REV3L: variants seen among roughly 807,000 people sequenced by gnomAD.
REV3L encodes the protein DNA polymerase zeta catalytic subunit.
Under a neutral mutation model 299.4 loss-of-function variants are expected in REV3L, and 69 were observed. The observed-to-expected ratio is 0.23, with a 90% confidence interval of 0.19 to 0.28. REV3L has a LOEUF of 0.28. Ranked by LOEUF, REV3L falls within the 10% of genes least tolerant of loss-of-function variation. The pLI is 1.00. For synonymous variants in REV3L, 1,238 were observed against 1,271.4 expected (o/e 0.97, Z 0.56); for missense variants, 3,128 against 3,693.8 (o/e 0.85, Z 3.97).
chr6:111,476,647 G>A (rs927884569), intron 1 of REV3L, among the ~76,000 whole-genome samples: 1 of 152,112 alleles, frequency 6.6e-6, no homozygotes, highest in South Asian at 2.1e-4. Flanking sequence ...CTCTGTTTTA[G>A]TGCTGTCATG....
chr6:111,324,392 T>G (rs1013662136), intron 25 of REV3L, among the ~76,000 whole-genome samples: 1 of 152,218 alleles, frequency 6.6e-6, no homozygotes, highest in African/African-American at 2.4e-5. Context: ...ATTACAAAAA[T>G]CATGTTATCT....
chr6:111,370,758 G>A (rs1779720538), intron 13 of REV3L, among the ~76,000 whole-genome samples: 1 of 152,044 alleles, frequency 6.6e-6, no homozygotes, highest in Non-Finnish European at 1.5e-5. Context: ...GGAAGGTACA[G>A]AAGTTTCCCA....
intron 31 of REV3L, among the ~76,000 whole-genome samples, chr6:111,303,321 G>A (rs929564673): frequency 1.4e-4 from 21 of 149,322 alleles, no homozygotes; most frequent in South Asian, 4.2e-4. Context: ...GCGGGTGCCC[G>A]CCACCATGCC....
In REV3L at chr6:111,412,147, C is replaced by G. The variant is rs559100694; in HGVS notation, c.330-593G>C. 1.6e-5 allele frequency: 16 copies of G among 985,372 alleles called. No individual in the cohort carries two copies. The East Asian group carries it at 1.6e-3, about 98-fold the overall frequency. 61.0% of individuals were successfully genotyped at this position (985,372 alleles called of 1,614,324 possible). A position where few individuals can be genotyped will look rare whatever the true frequency, so the allele number is the denominator to read the frequency against. ...GTACACACAGCATGTATTTCAGTAGCTGATATGAATAAACCTGTAACACAC... is the reference window on the plus strand; with the variant it reads ...GTACACACAGCATGTATTTCAGTAGGTGATATGAATAAACCTGTAACACAC... On this transcript the variant is annotated intron_variant, in intron 2 of 31. Transcript: ENST00000368802.
intron 22 of REV3L, among the ~76,000 whole-genome samples, chr6:111,334,964 C>T (rs904694745): frequency 2.0e-5 from 3 of 152,050 alleles, no homozygotes; most frequent in South Asian, 2.1e-4. Context: ...TATATAAAAT[C>T]ATTTTCAGCA....
intron 6 of REV3L, 105 bp from the exon 7 acceptor site, chr6:111,389,315 T>A (rs1781667304): frequency 1.2e-6 from 1 of 816,068 alleles, no homozygotes; most frequent in Admixed American, 2.3e-5. Flanking sequence ...ACCAATCACA[T>A]ATTTTGTGTA....
chr6:111,357,671 C>A (rs534721432), intron 17 of REV3L, among the ~76,000 whole-genome samples: 1 of 151,610 alleles, frequency 6.6e-6, no homozygotes, highest in African/African-American at 2.4e-5. Flanking sequence ...CCAACCTGGG[C>A]AACAGAGCGA....
At chr6:111,408,216 T>C (rs1783854166) in intron 3 of REV3L, among the ~76,000 whole-genome samples, 2 of 152,122 alleles carry the variant, frequency 1.3e-5, no homozygotes, top group Non-Finnish European at 2.9e-5. Flanking sequence ...AGAGAATGGA[T>C]GTAAATGCAA....
At position 111,408,115 on chromosome 6, in the gene REV3L, A is replaced by G. The variant is rs184440882; in HGVS notation, c.405-2485T>C. On this transcript the variant is annotated intron_variant, in intron 3 of 31. Coordinates refer to ENST00000368802, the MANE Select transcript of REV3L (RefSeq NM_001372078.1). ...AAAGAAAGACGGGAATAGCCGACAGATGGAAGCGATCCTTGAAAACATCAA... is the reference window on the plus strand; with the variant it reads ...AAAGAAAGACGGGAATAGCCGACAGGTGGAAGCGATCCTTGAAAACATCAA... 2.4e-4 allele frequency among the ~76,000 whole-genome samples: 37 copies of G among 152,348 alleles called. 2 individuals carry two copies. The South Asian group carries it at 5.2e-3, about 21-fold the overall frequency.
At chr6:111,465,579 C>G (rs781723925) in intron 1 of REV3L, among the ~76,000 whole-genome samples, 2 of 150,486 alleles carry the variant, frequency 1.3e-5, no homozygotes, top group African/African-American at 4.9e-5. Flanking sequence ...TCTAAAAATT[C>G]AAAGTTAGCT....
intron 4 of REV3L, among the ~76,000 whole-genome samples, chr6:111,396,856 T>C (rs1424579324): frequency 2.6e-5 from 4 of 152,178 alleles, no homozygotes; most frequent in Non-Finnish European, 5.9e-5. Context: ...CCTGGTTCAA[T>C]CTTGGTATGC....
Position 111,374,168 on chromosome 6 carries a change from G to A in REV3L, c.4187C>T (p.Ser1396Leu). 6.2e-7 allele frequency: 1 copy of A among 1,613,938 alleles called. No homozygotes were observed. Among genetic ancestry groups the A allele is most frequent in the Non-Finnish European group, 8.5e-7 (1 of 1,179,910 alleles). Residue 1396 changes from serine to leucine, a missense_variant, in exon 13 of 32, where the codon TCA becomes TTA. Physicochemically the swap from Ser to Leu is moderately radical, Grantham distance 145. Transcript: ENST00000368802. Reference sequence around the variant, plus strand: ...GCGATATTCACTTAACTTTCCGATTGATGACAAATAGTTTCTTTGTATATT... The same window carrying A: ...GCGATATTCACTTAACTTTCCGATTAATGACAAATAGTTTCTTTGTATATT... Reference protein sequence around the residue: ...ANNIQRNYLSSIGKLSEYRNS... With the variant: ...ANNIQRNYLSLIGKLSEYRNS...
In REV3L at chr6:111,363,846, G is replaced by GT; in HGVS notation, c.6879+6dup. 6.2e-7 allele frequency: 1 copy of GT among 1,612,542 alleles called. No individual in the cohort carries two copies. Among genetic ancestry groups the GT allele is most frequent in the Non-Finnish European group, 8.5e-7 (1 of 1,179,360 alleles). ...CAATGTATGTGTCCTTACTGTTGCA[G>GT]TTTTACCTCATGTAAAGCTTTTGCC... On this transcript the variant is annotated splice_region_variant and intron_variant, in intron 16 of 31. Coordinates refer to ENST00000368802, the MANE Select transcript of REV3L (RefSeq NM_001372078.1).
intron 1 of REV3L, among the ~76,000 whole-genome samples, chr6:111,447,581 C>G (rs1789005443): frequency 6.6e-6 from 1 of 152,132 alleles, no homozygotes. Flanking sequence ...TAAGGTATAA[C>G]AGGACAAATG....
chr6:111,455,092 A>T (rs1330492994), intron 1 of REV3L, among the ~76,000 whole-genome samples: 3 of 152,186 alleles, frequency 2.0e-5, no homozygotes, highest in Non-Finnish European at 4.4e-5. Flanking sequence ...AAAAACAAAC[A>T]ATCTTGCAAG....
chr6:111,436,310 A>C (rs1787543818), intron 1 of REV3L, among the ~76,000 whole-genome samples: 1 of 152,220 alleles, frequency 6.6e-6, no homozygotes, highest in African/African-American at 2.4e-5. Flanking sequence ...TATACTGAAG[A>C]TATCTCTGTA....
intron 1 of REV3L, among the ~76,000 whole-genome samples, chr6:111,455,765 A>C (rs1790091961): frequency 6.6e-6 from 1 of 152,212 alleles, no homozygotes; most frequent in Non-Finnish European, 1.5e-5. Flanking sequence ...AAAGCCCCAT[A>C]ATGTATTAAA....
chr6:111,431,365 T>C (rs1786903568), intron 1 of REV3L: 17 of 987,592 alleles, frequency 1.7e-5, no homozygotes, highest in South Asian at 6.4e-5. Flanking sequence ...ACTCCAATAC[T>C]TCAAGACAGG....
At chr6:111,381,206 G>T in intron 10 of REV3L, 119 bp downstream of exon 10, 1 of 976,684 alleles carries the variant, frequency 1.0e-6, no homozygotes, top group Non-Finnish European at 1.5e-6. Context: ...ATTCAGTAGA[G>T]TGTTTACTGA....
Sources: gnomAD v4.1 joint callset for allele counts (sites outside exome capture counted in the v4.1 genomes callset) on GRCh38, gnomAD v4.1.1 for gene constraint, MANE v1.5 for transcripts, NCBI Gene and HGNC (gene_info 2026-07-23, HGNC 2026-07-21) for gene names.